The following TASP1 variants were observed in gnomAD, a reference collection of about 807,000 sequenced individuals.
TASP1 encodes taspase 1.
Under a neutral mutation model 56.6 loss-of-function variants are expected in TASP1, and 16 were observed. The ratio of observed to expected loss-of-function variants is 0.28; its 90% confidence interval spans 0.19 to 0.43. The LOEUF is 0.43. TASP1 is among the 20% of genes least tolerant of loss of function. TASP1 has a pLI of 1.00. For missense variants in TASP1, 393 were observed against 511.6 expected (o/e 0.77, Z 2.24); for synonymous variants, 179 against 184.2 (o/e 0.97, Z 0.23).
the TASP1 span, among the ~76,000 whole-genome samples, chr20:13,251,931 T>TG: frequency 6.6e-6 from 1 of 151,918 alleles, no homozygotes; most frequent in East Asian, 1.9e-4. Context: ...TCTGCAGACT[T>TG]GGGGAGTAAG....
chr20:13,593,677 A>T lies in TASP1; in HGVS notation c.283-6307T>A, dbSNP rs1012561212. ...GGCGTCCACCATTGCTGAGGCTTGA[A>T]TAGGTAAACGAAGTGGCTGGGAAGC... is the stretch of plus-strand genomic sequence containing the variant. On this transcript the variant is annotated intron_variant, in intron 4 of 13. Coordinates refer to ENST00000337743, the MANE Select transcript of TASP1 (RefSeq NM_017714.3). 2.6e-5 allele frequency among the ~76,000 whole-genome samples: 4 copies of T among 152,248 alleles called. No homozygotes were observed. The East Asian group carries it at 7.7e-4, about 29-fold the overall frequency.
the TASP1 span, among the ~76,000 whole-genome samples, chr20:13,261,231 T>C: frequency 2.0e-5 from 3 of 151,866 alleles, no homozygotes; most frequent in Admixed American, 1.3e-4. Context: ...CTGGCCAACA[T>C]AGTAAAACCC....
At chr20:13,356,708 C>T in the TASP1 span, among the ~76,000 whole-genome samples, 1 of 152,134 alleles carries the variant, frequency 6.6e-6, no homozygotes, top group African/African-American at 2.4e-5. Flanking sequence ...GAACTTTGCC[C>T]AGATGAAATC....
the TASP1 span, among the ~76,000 whole-genome samples, chr20:13,178,442 T>C: frequency 2.0e-5 from 3 of 152,070 alleles, no homozygotes; most frequent in Non-Finnish European, 2.9e-5. Context: ...GGAAGAGACA[T>C]ATGCACTCCC....
chr20:13,590,276 GAA>G (rs1297884546), intron 4 of TASP1, among the ~76,000 whole-genome samples: 3 of 151,934 alleles, frequency 2.0e-5, no homozygotes, highest in African/African-American at 7.3e-5. Flanking sequence ...TTGTCATCAG[GAA>G]AAGGCAAATC....
the TASP1 span, among the ~76,000 whole-genome samples, chr20:13,201,106 C>T: frequency 2.6e-5 from 4 of 152,164 alleles, no homozygotes; most frequent in Non-Finnish European, 5.9e-5. Flanking sequence ...AGGAGGGATA[C>T]TGCAAAGTGG....
At chr20:13,362,808 A>AATATATATAT in the TASP1 span, among the ~76,000 whole-genome samples, 4,725 of 114,468 alleles carry the variant, frequency 0.041, 209 homozygotes, top group Non-Finnish European at 0.056. Context: ...AATAGCAAGA[A>AATATATATAT]ATATATATAT....
the TASP1 span, among the ~76,000 whole-genome samples, chr20:13,218,869 G>A: frequency 1.3e-5 from 2 of 152,136 alleles, no homozygotes; most frequent in Admixed American, 6.5e-5. Flanking sequence ...GATTTTAATA[G>A]GATTCATTCA....
intron 13 of TASP1, among the ~76,000 whole-genome samples, chr20:13,394,161 G>A (rs2041413400): frequency 6.6e-6 from 1 of 150,622 alleles, no homozygotes; most frequent in Non-Finnish European, 1.5e-5. Flanking sequence ...GTGCATGCCT[G>A]TAATCCCAGC....
chr20:13,145,091 GA>G, the TASP1 span, among the ~76,000 whole-genome samples: 2 of 151,034 alleles, frequency 1.3e-5, no homozygotes, highest in Non-Finnish European at 1.5e-5. Flanking sequence ...GTGTATTCTT[GA>G]AAAAAAAATT....
chr20:13,197,340 G>A, the TASP1 span, among the ~76,000 whole-genome samples: 1 of 152,098 alleles, frequency 6.6e-6, no homozygotes, highest in Non-Finnish European at 1.5e-5. Flanking sequence ...TGATTGACTG[G>A]GACCAAAAAG....
the TASP1 span, among the ~76,000 whole-genome samples, chr20:13,212,124 AT>A: frequency 6.6e-6 from 1 of 152,080 alleles, no homozygotes; most frequent in South Asian, 2.1e-4. Context: ...GGAATTCTTT[AT>A]TTCCCAACTG....
At chr20:13,529,214 T>C (rs2045115184) in intron 9 of TASP1, among the ~76,000 whole-genome samples, 1 of 152,194 alleles carries the variant, frequency 6.6e-6, no homozygotes, top group South Asian at 2.1e-4. Flanking sequence ...GATTTATACA[T>C]CTGAAACCAT....
At chr20:13,429,307 C>T (rs947167914) in intron 12 of TASP1, among the ~76,000 whole-genome samples, 1 of 152,064 alleles carries the variant, frequency 6.6e-6, no homozygotes, top group East Asian at 1.9e-4. Context: ...CTTGTATTGG[C>T]CCAGAGCTTA....
At chr20:13,542,405 C>T (rs1256083776) in intron 8 of TASP1, among the ~76,000 whole-genome samples, 3 of 152,104 alleles carry the variant, frequency 2.0e-5, no homozygotes, top group Non-Finnish European at 4.4e-5. Context: ...GAGAAATCAA[C>T]AAATCATACT....
At chr20:13,194,542 AATGTGT>A in the TASP1 span, among the ~76,000 whole-genome samples, 6 of 100,584 alleles carry the variant, frequency 6.0e-5, no homozygotes, top group African/African-American at 2.0e-4. Flanking sequence ...GTCACCAAGA[AATGTGT>A]GTGTGTGTGT....
chr20:13,367,067 A>G, the TASP1 span, among the ~76,000 whole-genome samples: 2 of 152,192 alleles, frequency 1.3e-5, no homozygotes, highest in African/African-American at 2.4e-5. Context: ...CCCATCATCA[A>G]TGAACTCATT....
chr20:13,470,209 C>G (rs1243634690), intron 11 of TASP1, among the ~76,000 whole-genome samples: 1 of 152,044 alleles, frequency 6.6e-6, no homozygotes, highest in African/African-American at 2.4e-5. Flanking sequence ...AAGCTACAAG[C>G]TTTCTGCGTC....
At chr20:13,282,243 G>A in the TASP1 span, among the ~76,000 whole-genome samples, 8 of 152,168 alleles carry the variant, frequency 5.3e-5, no homozygotes, top group South Asian at 2.1e-4. Context: ...TTAAAGCTCC[G>A]AGGATGACTT....
Sources: allele counts gnomAD v4.1 joint callset (sites outside exome capture counted in the v4.1 genomes callset), GRCh38; gene constraint gnomAD v4.1.1; transcripts MANE v1.5; gene names NCBI Gene and HGNC (gene_info 2026-07-23, HGNC 2026-07-21).